ELP4: variants seen among roughly 807,000 people sequenced by gnomAD.
ELP4 encodes elongator acetyltransferase complex subunit 4.
In ELP4, 51 loss-of-function variants were observed where a neutral mutation model predicts 48.9. The ratio of observed to expected loss-of-function variants is 1.04; its 90% CI spans 0.83 to 1.32. The LOEUF (loss-of-function observed/expected upper bound fraction) is 1.32, where lower values mean the gene tolerates loss of function less well. ELP4 is among the 40% of genes most tolerant of loss of function. The pLI, the probability that ELP4 is intolerant of heterozygous loss-of-function variation, is 0.00. For missense variants in ELP4, 519 were observed against 514.6 expected, an observed-to-expected ratio of 1.01 and a Z score of -0.08; for synonymous variants, 210 against 189.2, an observed-to-expected ratio of 1.11 and a Z score of -0.90.
chr11:31,677,615 T>A (rs1945955797), intron 9 of ELP4, among the ~76,000 whole-genome samples: 1 of 152,154 alleles, frequency 6.6e-6, no homozygotes, highest in Admixed American at 6.6e-5. Context: ...TCTACAAAAA[T>A]AGGTCTTTAG....
chr11:31,734,961 T>A (rs751223469), intron 9 of ELP4, among the ~76,000 whole-genome samples: 8 of 152,052 alleles, frequency 5.3e-5, no homozygotes, highest in Non-Finnish European at 7.4e-5. Flanking sequence ...TTGAAACATA[T>A]TACAAAGCTA....
At position 31,509,895 on chromosome 11, in the gene ELP4, C is replaced by T. The variant is rs561004646; in HGVS notation, c.111C>T (p.Ser37=). The part of the protein sequence containing the change: ...TSFQRRGPRA[S]VTNDSGPRLV... ...TCCAGAGGAGGGGTCCTAGAGCCAG[C>T]GTGACCAACGACAGCGGCCCTCGAC... is the stretch of plus-strand genomic sequence containing the variant. Residue 37 remains serine (S), a synonymous_variant, in exon 1 of 10, where the codon AGC becomes AGT. Transcript: ENST00000640961. 6.8e-5 allele frequency: 110 copies of T among 1,614,108 alleles called. 1 individual carries two copies. In the South Asian group the frequency reaches 1.2e-3, roughly 17 times the overall value.
intron 1 of ELP4, chr11:31,511,563 A>C (rs1956008098): frequency 6.6e-6 from 1 of 152,188 alleles, no homozygotes; most frequent in Non-Finnish European, 1.5e-5. Flanking sequence ...TTCATGTTTG[A>C]GCTCTAAAAA....
intron 9 of ELP4, among the ~76,000 whole-genome samples, chr11:31,704,526 T>C (rs1214470066): frequency 1.3e-5 from 2 of 152,084 alleles, no homozygotes; most frequent in South Asian, 4.2e-4. Context: ...TTAGGAGATA[T>C]ACCCAATGTA....
intron 5 of ELP4, among the ~76,000 whole-genome samples, chr11:31,609,727 C>A (rs1169826904): frequency 2.6e-5 from 4 of 152,012 alleles, no homozygotes; most frequent in Admixed American, 2.0e-4. Context: ...ACAGTATATT[C>A]AAAAGTCTAA....
intron 9 of ELP4, among the ~76,000 whole-genome samples, chr11:31,735,180 C>CA (rs905189763): frequency 7.0e-6 from 1 of 143,624 alleles, no homozygotes; most frequent in Admixed American, 6.9e-5. Flanking sequence ...AAAACACGCA[C>CA]AAAAAAAAGA....
intron 9 of ELP4, among the ~76,000 whole-genome samples, chr11:31,672,780 C>G (rs1026972523): frequency 6.6e-6 from 1 of 151,476 alleles, no homozygotes; most frequent in Non-Finnish European, 1.5e-5. Flanking sequence ...CAGAGTGAGA[C>G]CCTGTCTCAA....
intron 9 of ELP4, among the ~76,000 whole-genome samples, chr11:31,732,221 GTATC>G (rs1422248902): frequency 4.7e-4 from 72 of 152,198 alleles, no homozygotes; most frequent in African/African-American, 1.2e-3. Context: ...TAAAAGTAGA[GTATC>G]TATAACTATA....
chr11:31,603,899 A>G lies in ELP4; in HGVS notation c.645A>G (p.Val215=). ...LPEKISSTLK[V]EPCSLTPGYT... ...AGAAAATATCTTCAACTCTCAAAGTAGAACCCTGGTAAGTTAATGACCCAT... is the reference window on the plus strand; with the variant it reads ...AGAAAATATCTTCAACTCTCAAAGTGGAACCCTGGTAAGTTAATGACCCAT... The change falls in exon 5 of 10, where the codon GTA becomes GTG. Residue 215 remains valine (V), a synonymous_variant. Coordinates refer to ENST00000640961, the MANE Select transcript of ELP4 (RefSeq NM_019040.5). The G allele has an allele frequency of 1.2e-6, 2 of 1,610,936 alleles. No homozygotes were observed. The highest frequency in any genetic ancestry group is 8.5e-7 in the Non-Finnish European group (1 of 1,177,978).
intron 9 of ELP4, among the ~76,000 whole-genome samples, chr11:31,773,670 AACTGTGCTTGCCAG>A (rs1948192541): frequency 6.6e-6 from 1 of 152,236 alleles, no homozygotes; most frequent in African/African-American, 2.4e-5. Flanking sequence ...TGGTCTCCAC[AACTGTGCTTGCCAG>A]TTGTGGTAGT....
rs567084427 is a variant in ELP4, at chr11:31,525,570, C to A, written c.259+5479C>A. 2.0e-5 allele frequency among the ~76,000 whole-genome samples: 3 copies of A among 152,170 alleles called. No individual in the cohort carries two copies. In the South Asian group the frequency reaches 6.2e-4, roughly 32 times the overall value. On this transcript the variant is annotated intron_variant, in intron 2 of 9. Transcript: ENST00000640961. The stretch of plus-strand genomic sequence containing the variant: ...CAATAGAGGATATCAACAGAGTATG[C>A]CTATGTAATAACTAGGTCCTTCTAA...
At chr11:31,701,275 A>G (rs1946517274) in intron 9 of ELP4, among the ~76,000 whole-genome samples, 1 of 152,156 alleles carries the variant, frequency 6.6e-6, no homozygotes, top group Admixed American at 6.5e-5. Flanking sequence ...TATATAGCCA[A>G]TATAAAGTCC....
Position 31,531,540 on chromosome 11 carries a change from T to A in ELP4, c.260-8122T>A, listed in dbSNP as rs552009567. Among the ~76,000 whole-genome samples, 19 of 152,282 alleles carry A rather than the reference T, an allele frequency of 1.2e-4. No homozygotes were observed. The South Asian group carries it at 2.5e-3, about 20-fold the overall frequency. ...GTCTGGAAGGAGGTGAGCAAATTAGTTAGCCAGAGTTGTGAAGGAATTTAT... is the reference window on the plus strand; with the variant it reads ...GTCTGGAAGGAGGTGAGCAAATTAGATAGCCAGAGTTGTGAAGGAATTTAT... On this transcript the variant is annotated intron_variant, in intron 2 of 9. Coordinates refer to ENST00000640961, the MANE Select transcript of ELP4 (RefSeq NM_019040.5).
chr11:31,744,813 C>T (rs1481827861), intron 9 of ELP4, among the ~76,000 whole-genome samples: 1 of 151,986 alleles, frequency 6.6e-6, no homozygotes, highest in Non-Finnish European at 1.5e-5. Flanking sequence ...GGAAGCATTC[C>T]CTTTGAAAAC....
chr11:31,642,573 G>A (rs976369263), intron 7 of ELP4, among the ~76,000 whole-genome samples: 2 of 151,736 alleles, frequency 1.3e-5, no homozygotes, highest in African/African-American at 4.8e-5. Context: ...GTTTTCCTAT[G>A]TGAATATTAC....
intron 9 of ELP4, among the ~76,000 whole-genome samples, chr11:31,655,355 G>A (rs1565098061): frequency 6.8e-6 from 1 of 146,414 alleles, no homozygotes; most frequent in East Asian, 2.0e-4. Context: ...TTCCCACTTT[G>A]GAATCTTAAT....
intron 3 of ELP4, among the ~76,000 whole-genome samples, chr11:31,576,122 A>C (rs1957273605): frequency 6.6e-6 from 1 of 152,238 alleles, no homozygotes; most frequent in African/African-American, 2.4e-5. Flanking sequence ...GAAAACAAAA[A>C]TAGGCAGGGA....
chr11:31,738,429 TAAATAA>T (rs1209553656), intron 9 of ELP4, among the ~76,000 whole-genome samples: 1 of 148,158 alleles, frequency 6.7e-6, no homozygotes, highest in African/African-American at 2.5e-5. Context: ...AATAAATGAA[TAAATAA>T]AAATAAAAAA....
intron 9 of ELP4, among the ~76,000 whole-genome samples, chr11:31,655,892 G>A (rs1452937822): frequency 6.6e-6 from 1 of 151,886 alleles, no homozygotes; most frequent in Non-Finnish European, 1.5e-5. Context: ...GGAAAAATGA[G>A]CATTTCTTAC....
Sources: allele counts gnomAD v4.1 joint callset (sites outside exome capture counted in the v4.1 genomes callset), GRCh38; gene constraint gnomAD v4.1.1; transcripts MANE v1.5; gene names NCBI Gene and HGNC (gene_info 2026-07-23, HGNC 2026-07-21).